The following GALC variants were observed in gnomAD, a reference collection of about 807,000 sequenced individuals.
The protein encoded by GALC is galactocerebrosidase.
A neutral mutation model predicts 91.8 loss-of-function variants in GALC; 77 were observed. The observed-to-expected ratio is 0.84, with a 90% CI of 0.70 to 1.01. The LOEUF is 1.01. Ranked by LOEUF, GALC falls within the 50% of genes least tolerant of loss-of-function variation. The pLI is 0.00. For synonymous variants in GALC, 357 were observed against 306.7 expected, an observed-to-expected ratio of 1.16 and a Z score of -1.71; for missense variants, 882 against 855.9, an observed-to-expected ratio of 1.03 and a Z score of -0.38.
At chr14:87,964,891 CAT>C (rs1366660964) in intron 9 of GALC, among the ~76,000 whole-genome samples, 2 of 152,112 alleles carry the variant, frequency 1.3e-5, no homozygotes, top group African/African-American at 4.8e-5. Flanking sequence ...ATATGAGTAA[CAT>C]AAAATCTTCA....
At chr14:87,960,958 A>C (rs992011000) in intron 10 of GALC, among the ~76,000 whole-genome samples, 1 of 152,206 alleles carries the variant, frequency 6.6e-6, no homozygotes, top group Non-Finnish European at 1.5e-5. Flanking sequence ...ACAAAAGAGA[A>C]AACAAAGTGG....
In GALC at chr14:87,947,875, G is replaced by A; in HGVS notation, c.1342C>T (p.Leu448Phe). The change falls in exon 13 of 17, where the codon CTT (leucine) becomes TTT (phenylalanine). Residue 448 changes from leucine (L) to phenylalanine (F), a missense_variant. By Grantham distance (22) the Leu-to-Phe change is conservative. Coordinates refer to ENST00000261304, the MANE Select transcript of GALC (RefSeq NM_000153.4). Reference sequence around the variant, plus strand: ...AGTGTGAAACTGCCATCGCTGTCAAGGAGCTGAAAAAGAAGACACTACTGT... The same window carrying A: ...AGTGTGAAACTGCCATCGCTGTCAAAGAGCTGAAAAAGAAGACACTACTGT... Reference protein sequence around the residue: ...LFKQLDSLWLLDSDGSFTLSL... With the variant: ...LFKQLDSLWLFDSDGSFTLSL... 6.2e-7 allele frequency: 1 copy of A among 1,611,860 alleles called. No homozygotes were observed. Among genetic ancestry groups the A allele is most frequent in the Non-Finnish European group, 8.5e-7 (1 of 1,178,536 alleles).
chr14:87,935,807 A>C (rs1884545322), intron 16 of GALC, among the ~76,000 whole-genome samples: 1 of 152,032 alleles, frequency 6.6e-6, no homozygotes, highest in African/African-American at 2.4e-5. Flanking sequence ...GCCTTAATTT[A>C]GTTCTTTTAT....
In GALC at chr14:87,945,657, G is replaced by T. The variant is rs758827171; in HGVS notation, c.1566C>A (p.Asp522Glu). 8.1e-6 allele frequency: 13 copies of T among 1,611,282 alleles called. No homozygotes were observed. The highest frequency in any genetic ancestry group is 2.7e-5 in the African/African-American group (2 of 74,752). ...GTAGCGTGAAGTGATGCTCGCCAGGGTCTTCAATATTTGTAAAATATTCAA... is the reference window on the plus strand; with the variant it reads ...GTAGCGTGAAGTGATGCTCGCCAGGTTCTTCAATATTTGTAAAATATTCAA... ...GVFEYFTNIEDPGEHHFTLRQ... is the reference protein window; with the variant it reads ...GVFEYFTNIEEPGEHHFTLRQ... The change falls in exon 14 of 17, where the codon GAC becomes GAA. Residue 522 changes from aspartate to glutamate, a missense_variant. By Grantham distance (45) the Asp-to-Glu change is conservative. Coordinates refer to ENST00000261304, the MANE Select transcript of GALC (RefSeq NM_000153.4).
intron 10 of GALC, chr14:87,952,594 G>A (rs775387940): frequency 1.5e-5 from 22 of 1,430,874 alleles, no homozygotes; most frequent in South Asian, 3.5e-5. Flanking sequence ...GCTGACCCCC[G>A]GAAAAAAATT....
At chr14:87,937,290 T>TAGA (rs10650123) in intron 16 of GALC, among the ~76,000 whole-genome samples, 145,338 of 151,832 alleles carry the variant, frequency 0.96, 69,856 homozygotes, top group Non-Finnish European at 1. Context: ...TATATTCTAG[T>TAGA]AGGAGATGGA....
In GALC at chr14:87,934,012, T is replaced by C; in HGVS notation, c.*720A>G. 1 of 1,534,464 alleles carries C rather than the reference T, an allele frequency of 6.5e-7. No homozygotes were observed. Among genetic ancestry groups the C allele is most frequent in the Non-Finnish European group, 8.7e-7 (1 of 1,145,922 alleles). ...TTCTTCCAGCCACCTGGAAAAACGT[T>C]CACAGAGAGTTATAGTGGTTACAAG... On this transcript the variant is annotated 3_prime_UTR_variant, in exon 17 of 17. Coordinates refer to ENST00000261304, the MANE Select transcript of GALC (RefSeq NM_000153.4).
At chr14:87,943,087 T>C (rs1485258059) in intron 14 of GALC, among the ~76,000 whole-genome samples, 3 of 152,098 alleles carry the variant, frequency 2.0e-5, no homozygotes, top group Admixed American at 2.0e-4. Flanking sequence ...TAAGTGATTC[T>C]TGCATCAGAA....
intron 3 of GALC, chr14:87,987,909 G>T: frequency 1.9e-6 from 1 of 516,620 alleles, no homozygotes; most frequent in Non-Finnish European, 3.4e-6. Flanking sequence ...GTTTACTACC[G>T]ATTACTTCAA....
At chr14:87,975,018 T>C (rs1283263409) in intron 7 of GALC, among the ~76,000 whole-genome samples, 2 of 152,088 alleles carry the variant, frequency 1.3e-5, no homozygotes, top group African/African-American at 4.8e-5. Context: ...CTTCAACTAT[T>C]TATGAAAGCT....
chr14:87,944,310 T>C (rs1884978138), intron 14 of GALC, among the ~76,000 whole-genome samples: 1 of 151,928 alleles, frequency 6.6e-6, no homozygotes, highest in African/African-American at 2.4e-5. Context: ...AAGAGCCCTC[T>C]ATGGTATTCA....
intron 16 of GALC, among the ~76,000 whole-genome samples, chr14:87,935,835 T>C (rs531173479): frequency 2.0e-5 from 3 of 152,160 alleles, no homozygotes; most frequent in South Asian, 4.1e-4. Flanking sequence ...GTGGAAACAC[T>C]GAGGCTTAAT....
rs1885132066 is a variant in GALC at position 87,947,767 on chromosome 14, G to A, written c.1450C>T (p.Gln484Ter). 2 of 1,612,976 alleles carry A rather than the reference G, an allele frequency of 1.2e-6. No individual in the cohort carries two copies. Among genetic ancestry groups the A allele is most frequent in the Admixed American group, 1.7e-5 (1 of 59,922 alleles). Residue 484 changes from glutamine to a stop codon, truncating the protein, a stop_gained, in exon 13 of 17, where the codon CAG becomes TAG. Transcript: ENST00000261304. LOFTEE classifies it high-confidence loss of function. ...KGSYPLPPKS[Q>*]PFPSTYKDDF... ...TCCTTATAGGTACTTGGGAAGGGCTGGGATTTTGGAGGAAGCGGGTAGCTG... is the reference window on the plus strand; with the variant it reads ...TCCTTATAGGTACTTGGGAAGGGCTAGGATTTTGGAGGAAGCGGGTAGCTG...
At position 87,964,981 on chromosome 14, in the gene GALC, TCA is replaced by T. The variant is rs200125481; in HGVS notation, c.1033+522_1033+523del. ...AATTTACCTTTTCACAACCCACATT[TCA>T]CAGATTTAGGGGACAATATAAAGCC... On this transcript the variant is annotated intron_variant, in intron 9 of 16. Coordinates refer to ENST00000261304, the MANE Select transcript of GALC (RefSeq NM_000153.4). Among the ~76,000 whole-genome samples, 912 of 152,264 alleles carry T rather than the reference TCA, an allele frequency of 6.0e-3. 11 individuals carry two copies. The highest frequency in any genetic ancestry group is 0.021 in the African/African-American group (875 of 41,550).
chr14:87,973,707 C>T (rs994353563), intron 7 of GALC, among the ~76,000 whole-genome samples: 1 of 152,140 alleles, frequency 6.6e-6, no homozygotes, highest in African/African-American at 2.4e-5. Context: ...TAGTATGAAG[C>T]AGTTCCTCAA....
chr14:87,954,427 C>T (rs961204928), intron 10 of GALC: 9 of 1,591,556 alleles, frequency 5.7e-6, no homozygotes, highest in Non-Finnish European at 4.3e-6. Context: ...CAGCCTGGTA[C>T]CCTCAACTGC....
chr14:87,950,626 A>G (rs1261816202), intron 11 of GALC, 33 bp downstream of exon 11: 6 of 1,329,148 alleles, frequency 4.5e-6, no homozygotes, highest in Non-Finnish European at 6.5e-6. Flanking sequence ...TTCTTAAATC[A>G]AAACTAAAAT....
chr14:87,953,958 A>T lies in GALC; in HGVS notation c.1162-3210T>A, dbSNP rs563396132. On this transcript the variant is annotated intron_variant, in intron 10 of 16. Transcript: ENST00000261304. Reference sequence around the variant, plus strand: ...AACTAAGAAGGTTTTTCTGTAGAGGACTGCAGCATTTTGGGCATATACAGT... The same window carrying T: ...AACTAAGAAGGTTTTTCTGTAGAGGTCTGCAGCATTTTGGGCATATACAGT... 3.0e-5 allele frequency: 48 copies of T among 1,609,428 alleles called. 1 individual carries two copies. The highest frequency in any genetic ancestry group is 4.1e-5 in the Non-Finnish European group (48 of 1,177,900).
intron 7 of GALC, among the ~76,000 whole-genome samples, chr14:87,975,509 A>G (rs1250444587): frequency 6.6e-6 from 1 of 152,158 alleles, no homozygotes; most frequent in Non-Finnish European, 1.5e-5. Flanking sequence ...ATTTTTATGG[A>G]AGAAATAATG....
Sources: allele counts gnomAD v4.1 joint callset (sites outside exome capture counted in the v4.1 genomes callset), GRCh38; gene constraint gnomAD v4.1.1; transcripts MANE v1.5; gene names NCBI Gene and HGNC (gene_info 2026-07-23, HGNC 2026-07-21).